ABCA12: variants seen among roughly 807,000 people sequenced by gnomAD.
ABCA12 encodes glucosylceramide transporter ABCA12.
Under a neutral mutation model 293.5 loss-of-function variants are expected in ABCA12, and 156 were observed. That is an observed-to-expected ratio of 0.53 (90% CI 0.47 to 0.61). ABCA12 has a LOEUF of 0.61. Ranked by LOEUF, ABCA12 falls within the 20% of genes least tolerant of loss-of-function variation. ABCA12 has a pLI of 0.00. For missense variants in ABCA12, 2,797 were observed against 3,090.2 expected (o/e 0.91, Z 2.25); for synonymous variants, 1,063 against 1,108.0 (o/e 0.96, Z 0.81).
intron 49 of ABCA12, among the ~76,000 whole-genome samples, chr2:214,944,431 T>TAA (rs71399162): frequency 5.4e-5 from 8 of 149,186 alleles, no homozygotes; most frequent in Non-Finnish European, 7.4e-5. Flanking sequence ...AATTAAAAAA[T>TAA]AAAAAAAAAA....
chr2:214,934,352 G>A, intron 51 of ABCA12, 137 bp from the exon 52 acceptor site: 1 of 1,014,920 alleles, frequency 9.9e-7, no homozygotes, highest in Non-Finnish European at 1.5e-6. Flanking sequence ...TAAATAACGA[G>A]TATATTTTGA....
In ABCA12 at chr2:214,980,504, G is replaced by A. The variant is rs1699622403; in HGVS notation, c.4719C>T (p.His1573=). ...CTACCTTCTTCTTGGTAAGCGTGAG[G>A]TGATACCCATCGCCAAAGGCTTCCT... ...YLKEAFGDGY[H]LTLTKKKSPN... is the part of the protein sequence containing the mutation. The change falls in exon 31 of 53, where the codon CAC becomes CAT. Residue 1573 remains histidine (H), a synonymous_variant. Transcript: ENST00000272895. The A allele has an allele frequency of 6.8e-6, 11 of 1,613,724 alleles. No homozygotes were observed. The highest frequency in any genetic ancestry group is 7.6e-6 in the Non-Finnish European group (9 of 1,179,964).
chr2:215,047,397 A>T (rs780188567), intron 6 of ABCA12, among the ~76,000 whole-genome samples: 5 of 152,224 alleles, frequency 3.3e-5, no homozygotes, highest in Non-Finnish European at 7.3e-5. Context: ...GCAGGGCTAC[A>T]GTAACCAAAA....
chr2:215,065,297 T>TAAAAAAAAAAAA (rs66466863), intron 2 of ABCA12, among the ~76,000 whole-genome samples: 2 of 45,138 alleles, frequency 4.4e-5, no homozygotes, highest in African/African-American at 1.8e-4. Context: ...CATGAATGTG[T>TAAAAAAAAAAAA]AAAAAAAAAA....
At chr2:215,077,920 C>CA (rs1701864170) in intron 2 of ABCA12, among the ~76,000 whole-genome samples, 1 of 152,068 alleles carries the variant, frequency 6.6e-6, no homozygotes, top group Non-Finnish European at 1.5e-5. Flanking sequence ...AGATCACACA[C>CA]AAAAAACGTA....
rs188168586 is a variant in ABCA12 at position 215,132,717 on chromosome 2, G to C, written c.69+5423C>G. Among the ~76,000 whole-genome samples, 14 of 152,014 alleles carry C rather than the reference G, an allele frequency of 9.2e-5. No homozygotes were observed. The East Asian group carries it at 2.5e-3, about 27-fold the overall frequency. On this transcript the variant is annotated intron_variant, in intron 1 of 52. Transcript: ENST00000272895. ...TGCCATTCTACATCTTTTAAGCAGG[G>C]CATTGAGGCATTTATGTTAAAAGTT...
chr2:215,030,835 G>C (rs937846837), intron 9 of ABCA12, among the ~76,000 whole-genome samples: 2 of 152,094 alleles, frequency 1.3e-5, no homozygotes, highest in African/African-American at 4.8e-5. Context: ...AACTATGTAC[G>C]TTCTATTTTA....
At chr2:214,993,884 AC>A (rs1352043143) in intron 23 of ABCA12, among the ~76,000 whole-genome samples, 1 of 152,218 alleles carries the variant, frequency 6.6e-6, no homozygotes, top group East Asian at 1.9e-4. Context: ...AGGCTTGAAC[AC>A]CAGGACTAAA....
intron 2 of ABCA12, among the ~76,000 whole-genome samples, chr2:215,102,577 C>A (rs555120812): frequency 1.3e-5 from 2 of 152,090 alleles, no homozygotes; most frequent in African/African-American, 2.4e-5. Context: ...CCAGTCTGGG[C>A]GATAGAGCAA....
intron 49 of ABCA12, among the ~76,000 whole-genome samples, chr2:214,943,573 C>A (rs1286858280): frequency 5.9e-5 from 9 of 152,274 alleles, no homozygotes; most frequent in East Asian, 3.9e-4. Context: ...AAGGCCATCT[C>A]TCTCTCACCT....
At position 214,968,613 on chromosome 2, in the gene ABCA12, C is replaced by A. The variant is rs12329271; in HGVS notation, c.5778+107G>T. On this transcript the variant is annotated intron_variant, in intron 38 of 52. Transcript: ENST00000272895. ...ACTGTGCCCTGGGTTATGCACAATGCCAAATCGATTGTACCCATATTTTGT... is the reference window on the plus strand; with the variant it reads ...ACTGTGCCCTGGGTTATGCACAATGACAAATCGATTGTACCCATATTTTGT... 5,703 of 1,089,330 alleles carry A rather than the reference C, an allele frequency of 5.2e-3. 224 individuals carry two copies. In the African/African-American group the frequency reaches 0.079, roughly 15 times the overall value. 67.5% of individuals were successfully genotyped at this position (1,089,330 alleles called of 1,614,324 possible).
At chr2:215,124,527 T>C (rs1702881242) in intron 1 of ABCA12, among the ~76,000 whole-genome samples, 1 of 152,216 alleles carries the variant, frequency 6.6e-6, no homozygotes, top group Non-Finnish European at 1.5e-5. Context: ...CACATTGTGG[T>C]TGTGATTTGC....
chr2:214,992,462 G>GAAAAAAAAAAAAAA (rs35911401), intron 23 of ABCA12, among the ~76,000 whole-genome samples: 12 of 77,342 alleles, frequency 1.6e-4, no homozygotes, highest in East Asian at 4.5e-4. Context: ...AAAAAAAAAT[G>GAAAAAAAAAAAAAA]AAAAAAAAAA....
At chr2:215,050,124 G>A (rs572103589) in intron 5 of ABCA12, among the ~76,000 whole-genome samples, 54 of 152,184 alleles carry the variant, frequency 3.5e-4, no homozygotes, top group Non-Finnish European at 7.4e-4. Context: ...AAATCTTCAC[G>A]CATAAAAATC....
At chr2:215,014,811 G>T (rs6749931) in intron 15 of ABCA12, among the ~76,000 whole-genome samples, 217 of 152,312 alleles carry the variant, frequency 1.4e-3, no homozygotes, top group African/African-American at 5.1e-3. Flanking sequence ...TACAGAGAAG[G>T]ATAATTCTTC....
Position 214,982,357 on chromosome 2 carries a change from C to T in ABCA12, c.4409G>A (p.Ser1470Asn). 2 of 1,613,884 alleles carry T rather than the reference C, an allele frequency of 1.2e-6. No homozygotes were observed. Among genetic ancestry groups the T allele is most frequent in the Non-Finnish European group, 8.5e-7 (1 of 1,179,888 alleles). The change falls in exon 30 of 53, where the codon AGC (serine) becomes AAC (asparagine). Residue 1470 changes from serine (S) to asparagine (N), a missense_variant. Physicochemically the swap from Ser to Asn is conservative, Grantham distance 46. Transcript: ENST00000272895. ...KRTLKDTGLY[S>N]HRHKRVGTLS... is the part of the protein sequence containing the mutation. ...TGTTCCAACTCTCTTATGACGATGGCTATATAGTCCAGTATCTTTTAAAGT... is the reference window on the plus strand; with the variant it reads ...TGTTCCAACTCTCTTATGACGATGGTTATATAGTCCAGTATCTTTTAAAGT...
At chr2:215,034,985 A>C (rs1194661792) in intron 8 of ABCA12, among the ~76,000 whole-genome samples, 1 of 152,198 alleles carries the variant, frequency 6.6e-6, no homozygotes, top group Non-Finnish European at 1.5e-5. Flanking sequence ...GTTCATTTTC[A>C]AAAATACTGC....
chr2:215,087,452 A>G (rs1449401742), intron 2 of ABCA12, among the ~76,000 whole-genome samples: 1 of 151,694 alleles, frequency 6.6e-6, no homozygotes, highest in African/African-American at 2.4e-5. Context: ...TAGATATGAA[A>G]AATAAAATTC....
chr2:214,978,335 G>C lies in ABCA12; in HGVS notation c.5109C>G (p.Ser1703Arg). Residue 1703 changes from serine to arginine, a missense_variant, in exon 33 of 53, where the codon AGC becomes AGG. Physicochemically the swap from Ser to Arg is moderately radical, Grantham distance 110. Transcript: ENST00000272895. ...STPDDLSVSSSNFTDRDDKIL... is the reference protein window; with the variant it reads ...STPDDLSVSSRNFTDRDDKIL... ...TCATACCATCTCTGTCTGTGAAATT[G>C]CTGCTGCTCACAGATAAATCGTCAG... 2 of 1,614,000 alleles carry C rather than the reference G, an allele frequency of 1.2e-6. No homozygotes were observed. The highest frequency in any genetic ancestry group is 1.7e-6 in the Non-Finnish European group (2 of 1,179,942).
Sources: gnomAD v4.1 joint callset for allele counts (sites outside exome capture counted in the v4.1 genomes callset) on GRCh38, gnomAD v4.1.1 for gene constraint, MANE v1.5 for transcripts, NCBI Gene and HGNC (gene_info 2026-07-23, HGNC 2026-07-21) for gene names.